Variants in NBPF12 observed in about 807,000 individuals in gnomAD.
NBPF12 encodes NBPF family member NBPF12.
In NBPF12, 115 loss-of-function variants were observed where a neutral mutation model predicts 146.4. That is an observed-to-expected ratio of 0.79 (90% confidence interval 0.68 to 0.92). The LOEUF is 0.92. Ranked by LOEUF, NBPF12 falls within the 40% of genes least tolerant of loss-of-function variation. The pLI, the probability that NBPF12 is intolerant of heterozygous loss-of-function variation, is 0.00. For synonymous variants in NBPF12, 385 were observed against 508.9 expected (o/e 0.76, Z 3.28); for missense variants, 1,205 against 1,326.8 (o/e 0.91, Z 1.43).
chr1:146,967,224 C>G (rs1235422492), intron 9 of NBPF12, among the ~76,000 whole-genome samples: 2 of 150,268 alleles, frequency 1.3e-5, no homozygotes, highest in East Asian at 2.0e-4. Context: ...GAGTAGGGGC[C>G]GTGCATGGTG....
chr1:146,968,711 G>C (rs1236147269), intron 10 of NBPF12, among the ~76,000 whole-genome samples, 161 bp downstream of exon 13: 1 of 151,552 alleles, frequency 6.6e-6, no homozygotes, highest in Admixed American at 6.6e-5. Context: ...AGAGAAGAAG[G>C]ATAATAAAAA....
intron 1 of NBPF12, among the ~76,000 whole-genome samples, chr1:146,940,497 A>G (rs1654750263): frequency 6.6e-6 from 1 of 151,812 alleles, no homozygotes; most frequent in Non-Finnish European, 1.5e-5. Flanking sequence ...TTGAGATTGC[A>G]GTGAGCAGTG....
intron 2 of NBPF12, among the ~76,000 whole-genome samples, chr1:146,954,933 A>T (rs1391894403): frequency 1.6e-5 from 2 of 127,376 alleles, no homozygotes; most frequent in African/African-American, 2.8e-5. Context: ...ATATATATAT[A>T]TTCACCGTTT....
chr1:146,984,071 A>T (rs1372293494), intron 20 of NBPF12, 63 bp from the exon 24 acceptor site: 1 of 665,620 alleles, frequency 1.5e-6, no homozygotes, highest in African/African-American at 2.0e-5. Context: ...TGGACAGAGG[A>T]ATGTTTCTGT....
intron 19 of NBPF12, among the ~76,000 whole-genome samples, chr1:146,981,250 G>T (rs1315055176): frequency 7.9e-6 from 1 of 125,878 alleles, no homozygotes; most frequent in Non-Finnish European, 1.6e-5. Flanking sequence ...TGCACGTTGT[G>T]CACATGTACC....
At chr1:146,965,790 T>TTAAAA (rs1656154693) in intron 8 of NBPF12, among the ~76,000 whole-genome samples, 1 of 8,238 alleles carries the variant, frequency 1.2e-4, no homozygotes, top group East Asian at 0.042. Context: ...AGACTGCATC[T>TTAAAA]CAAAAAAAAA....
intron 2 of NBPF12, among the ~76,000 whole-genome samples, chr1:146,955,812 G>A (rs1162683769): frequency 4.6e-5 from 7 of 151,594 alleles, no homozygotes; most frequent in Admixed American, 6.6e-5. Flanking sequence ...AAACTTGTTT[G>A]TGGAGGCCTG....
chr1:146,983,321 G>A, intron 20 of NBPF12: 1 of 595,628 alleles, frequency 1.7e-6, no homozygotes, highest in Non-Finnish European at 2.9e-6. Flanking sequence ...GTGCCAACCT[G>A]GACTGACTGT....
At chr1:146,981,760 C>CT (rs1384030449) in intron 19 of NBPF12, among the ~76,000 whole-genome samples, 3 of 151,622 alleles carry the variant, frequency 2.0e-5, no homozygotes, top group South Asian at 2.1e-4. Flanking sequence ...TCTTTTTACT[C>CT]TTTTTTCTCT....
At chr1:146,970,693 G>A (rs1283189283) in exon 12 of NBPF12, 12 of 1,403,346 alleles carry the variant, frequency 8.6e-6, no homozygotes, top group Admixed American at 1.7e-5. Flanking sequence ...AGGAGGATGA[G>A]AAAGTGCTGG....
intron 1 of NBPF12, among the ~76,000 whole-genome samples, chr1:146,942,522 T>TGA (rs1282118664): frequency 9.2e-5 from 14 of 151,500 alleles, no homozygotes; most frequent in African/African-American, 1.7e-4. Flanking sequence ...AAATATTTGT[T>TGA]AAATGAATGA....
upstream of NBPF12, among the ~76,000 whole-genome samples, chr1:146,948,378 A>C (rs1460693925): frequency 6.8e-4 from 103 of 151,284 alleles, no homozygotes; most frequent in Non-Finnish European, 1.2e-3. Context: ...GACATAAGAG[A>C]CTCCATTTTG....
intron 19 of NBPF12, among the ~76,000 whole-genome samples, chr1:146,982,611 T>A (rs1433202296): frequency 6.6e-6 from 1 of 151,854 alleles, no homozygotes; most frequent in Non-Finnish European, 1.5e-5. Flanking sequence ...ACCCAATTTA[T>A]GCAAAGTAGT....
chr1:146,959,299 C>A lies in NBPF12; in HGVS notation c.-183-560C>A, dbSNP rs1655733743. 3.9e-5 allele frequency among the ~76,000 whole-genome samples: 2 copies of A among 51,838 alleles called. 1 individual carries two copies. 34.0% of individuals were successfully genotyped at this position (51,838 alleles called of 152,430 possible). A position where few individuals can be genotyped will look rare whatever the true frequency, so the allele number is the denominator to read the frequency against. Reference sequence around the variant, plus strand: ...ACCATCCTGGCTAACACAGTGAAACCCCGTCTCTACTAAAAATACAAAAAA... The same window carrying A: ...ACCATCCTGGCTAACACAGTGAAACACCGTCTCTACTAAAAATACAAAAAA... On this transcript the variant is annotated intron_variant, in intron 2 of 33. Coordinates refer to ENST00000617844, the Ensembl canonical transcript of NBPF12.
chr1:146,966,641 C>T, exon 9 of NBPF12: 5 of 1,503,534 alleles, frequency 3.3e-6, no homozygotes, highest in South Asian at 2.2e-5. Flanking sequence ...ACTCAACTGG[C>T]CGGCTTCCTG....
chr1:146,967,709 C>G (rs1656296294), intron 9 of NBPF12, among the ~76,000 whole-genome samples: 1 of 149,842 alleles, frequency 6.7e-6, no homozygotes, highest in South Asian at 2.1e-4. Context: ...CTTGTCTGTC[C>G]CTCAGTTTCC....
In NBPF12 at chr1:146,991,365, TACTG is replaced by T. The variant is rs1360403442; in HGVS notation, c.3796+83_3796+86del. On this transcript the variant is annotated intron_variant, in intron 30 of 33. Transcript: ENST00000617844. ...TGACATTCCTGTTCCAAGTGGCCCT[TACTG>T]ACCCGAGAGACGTCATTGCCACAGG... The T allele has an allele frequency of 2.5e-5, 22 of 894,964 alleles. 2 individuals are homozygous for T. Among genetic ancestry groups the T allele is most frequent in the Non-Finnish European group, 3.3e-5 (19 of 571,716 alleles). The allele number at this position is 894,964 out of a possible 1,614,324, so 55.4% of individuals were successfully genotyped here.
At chr1:146,966,427 T>A (rs1284649568) in intron 8 of NBPF12, 37 bp from the exon 12 acceptor site, 1 of 1,337,102 alleles carries the variant, frequency 7.5e-7, no homozygotes, top group South Asian at 1.2e-5. Context: ...TTTCACCAGT[T>A]TTTAACCCAT....
Position 146,964,436 on chromosome 1 carries a change from C to T in NBPF12, c.566+7C>T, listed in dbSNP as rs1473389216. On this transcript the variant is annotated splice_region_variant and intron_variant, in intron 7 of 33. Transcript: ENST00000617844. ...TGGAATCATCTGCCCCCAGGTAACA[C>T]TGAATACTCAGGAGCAAGTAATGGG... 31 of 1,599,826 alleles carry T rather than the reference C, an allele frequency of 1.9e-5. No homozygotes were observed. The highest frequency in any genetic ancestry group is 2.7e-5 in the African/African-American group (2 of 74,328).
Sources: gnomAD v4.1 joint callset for allele counts (sites outside exome capture counted in the v4.1 genomes callset) on GRCh38, gnomAD v4.1.1 for gene constraint, MANE v1.5 for transcripts, NCBI Gene and HGNC (gene_info 2026-07-23, HGNC 2026-07-21) for gene names.